Variants in AKAP13 observed in about 807,000 individuals in gnomAD.
AKAP13 encodes the protein A-kinase anchoring protein 13, also known as A-kinase anchor protein 13.
Under a neutral mutation model 264.5 loss-of-function variants are expected in AKAP13, and 80 were observed. The observed-to-expected ratio is 0.30, with a 90% CI of 0.25 to 0.36. The LOEUF (loss-of-function observed/expected upper bound fraction) is 0.36, where lower values mean the gene tolerates loss of function less well. AKAP13 is among the 10% of genes least tolerant of loss of function. The pLI, the probability that AKAP13 is intolerant of heterozygous loss-of-function variation, is 1.00. For synonymous variants in AKAP13, 1,380 were observed against 1,250.2 expected, an observed-to-expected ratio of 1.10 and a Z score of -2.19; for missense variants, 3,712 against 3,435.2, an observed-to-expected ratio of 1.08 and a Z score of -2.01.
At chr15:85,484,807 A>G (rs2075479108) in intron 1 of AKAP13, among the ~76,000 whole-genome samples, 1 of 152,194 alleles carries the variant, frequency 6.6e-6, no homozygotes, top group South Asian at 2.1e-4. Flanking sequence ...TAGAATACAA[A>G]GTTTGTTATT....
chr15:85,463,849 C>T (rs143055157), intron 1 of AKAP13, among the ~76,000 whole-genome samples: 2 of 151,246 alleles, frequency 1.3e-5, no homozygotes, highest in East Asian at 1.9e-4. Flanking sequence ...GGTGGCAGTG[C>T]TAGGAGTCAG....
At position 85,612,087 on chromosome 15, in the gene AKAP13, G is replaced by A. The variant is rs569730777; in HGVS notation, c.4161+26264G>A. 1.1e-4 allele frequency among the ~76,000 whole-genome samples: 17 copies of A among 152,286 alleles called. No individual in the cohort carries two copies. The East Asian group carries it at 3.3e-3, about 29-fold the overall frequency. On this transcript the variant is annotated intron_variant, in intron 8 of 36. Coordinates refer to ENST00000394518, the MANE Select transcript of AKAP13 (RefSeq NM_007200.5). ...AAACTTTACTGAAAAGCTTATTGAA[G>A]ATTTAGGGCAGTGACATGGAGTTGT...
chr15:85,689,884 T>A (rs2085178375), intron 16 of AKAP13: 1 of 152,282 alleles, frequency 6.6e-6, no homozygotes, highest in African/African-American at 2.4e-5. Flanking sequence ...ACAAGCAGCC[T>A]CAGCCCTCCC....
At chr15:85,677,003 G>C in intron 14 of AKAP13, 1 of 985,442 alleles carries the variant, frequency 1.0e-6, no homozygotes, top group South Asian at 4.7e-5. Context: ...CCAGCAAGGC[G>C]GATCTCCATC....
intron 8 of AKAP13, among the ~76,000 whole-genome samples, chr15:85,636,368 T>C (rs2082071301): frequency 6.6e-6 from 1 of 152,202 alleles, no homozygotes. Flanking sequence ...TCCTTTCCAA[T>C]GGTATGCGTT....
rs74025638 is a variant in AKAP13 at position 85,615,287 on chromosome 15, G to C, written c.4162-24087G>C. Among the ~76,000 whole-genome samples the C allele has an allele frequency of 9.5e-3, 1,448 of 152,270 alleles. 28 individuals carry two copies. Among genetic ancestry groups the C allele is most frequent in the African/African-American group, 0.033 (1,380 of 41,548 alleles). The stretch of plus-strand genomic sequence containing the variant: ...CTTGCTACTAATTTGAAAAGAAATG[G>C]TGGTTATAGCCTTCTAGGTCTCTCC... On this transcript the variant is annotated intron_variant, in intron 8 of 36. Transcript: ENST00000394518.
At chr15:85,564,983 C>G (rs1180356206) in intron 5 of AKAP13, among the ~76,000 whole-genome samples, 6 of 152,166 alleles carry the variant, frequency 3.9e-5, no homozygotes, top group African/African-American at 1.4e-4. Flanking sequence ...AAACTAGATA[C>G]AATTCAGGGC....
intron 5 of AKAP13, 33 bp from the exon 6 acceptor site, chr15:85,575,098 G>A (rs369457622): frequency 7.9e-5 from 126 of 1,600,372 alleles, no homozygotes; most frequent in Non-Finnish European, 1.1e-4. Context: ...GAGGCAGAAT[G>A]TATATATATT....
intron 1 of AKAP13, among the ~76,000 whole-genome samples, chr15:85,416,688 G>C (rs2072257082): frequency 6.6e-6 from 1 of 152,118 alleles, no homozygotes; most frequent in Admixed American, 6.5e-5. Context: ...TGGAATTTTG[G>C]TGTGTGTTTG....
At chr15:85,600,536 G>T (rs1466872590) in intron 8 of AKAP13, among the ~76,000 whole-genome samples, 1 of 152,180 alleles carries the variant, frequency 6.6e-6, no homozygotes, top group Non-Finnish European at 1.5e-5. Flanking sequence ...TAGAGGCACT[G>T]CTGGGCCATT....
chr15:85,436,731 G>A (rs1425210285), intron 1 of AKAP13, among the ~76,000 whole-genome samples: 1 of 151,454 alleles, frequency 6.6e-6, no homozygotes, highest in Non-Finnish European at 1.5e-5. Flanking sequence ...GGTACATAAC[G>A]AAATGAAGGC....
chr15:85,562,177 C>T (rs2078404697), intron 5 of AKAP13, among the ~76,000 whole-genome samples: 1 of 152,082 alleles, frequency 6.6e-6, no homozygotes, highest in African/African-American at 2.4e-5. Context: ...CATTGTTAAG[C>T]AGTTGATAAA....
intron 1 of AKAP13, among the ~76,000 whole-genome samples, chr15:85,443,001 TTAAA>T (rs1166824994): frequency 6.6e-6 from 1 of 152,130 alleles, no homozygotes; most frequent in African/African-American, 2.4e-5. Context: ...TAGGCTTGGG[TTAAA>T]TAATTTGCCC....
intron 1 of AKAP13, among the ~76,000 whole-genome samples, chr15:85,381,395 C>T (rs1397501039): frequency 6.6e-6 from 1 of 151,150 alleles, no homozygotes; most frequent in Non-Finnish European, 1.5e-5. Flanking sequence ...CGCAGGCGAG[C>T]GGCCCAGGAG....
intron 10 of AKAP13, chr15:85,651,581 G>C (rs757864819): frequency 6.6e-6 from 1 of 152,144 alleles, no homozygotes. Flanking sequence ...CATGCTAATC[G>C]TCTGTGCATT....
intron 9 of AKAP13, among the ~76,000 whole-genome samples, chr15:85,643,915 A>G (rs2082424909): frequency 6.6e-6 from 1 of 152,232 alleles, no homozygotes; most frequent in Non-Finnish European, 1.5e-5. Context: ...GAACAAGTAC[A>G]GTCCCGAGGG....
At chr15:85,411,184 C>T (rs923490924) in intron 1 of AKAP13, among the ~76,000 whole-genome samples, 4 of 152,298 alleles carry the variant, frequency 2.6e-5, no homozygotes, top group Middle Eastern at 3.4e-3. Context: ...GAATCAATCA[C>T]GACAGTGAAC....
intron 4 of AKAP13, among the ~76,000 whole-genome samples, chr15:85,541,293 A>C (rs1182942146): frequency 6.6e-6 from 1 of 152,244 alleles, no homozygotes; most frequent in African/African-American, 2.4e-5. Context: ...AATGCATAAA[A>C]ATAAGGTGGA....
chr15:85,461,196 A>G (rs1430525997), intron 1 of AKAP13, among the ~76,000 whole-genome samples: 2 of 152,032 alleles, frequency 1.3e-5, no homozygotes, highest in African/African-American at 2.4e-5. Context: ...GCTCACTGCA[A>G]CCTCTGCCTG....
Sources: gnomAD v4.1 joint callset for allele counts (sites outside exome capture counted in the v4.1 genomes callset) on GRCh38, gnomAD v4.1.1 for gene constraint, MANE v1.5 for transcripts, NCBI Gene and HGNC (gene_info 2026-07-23, HGNC 2026-07-21) for gene names.